Variants in RAB11FIP3 observed in about 807,000 individuals in gnomAD.
RAB11FIP3 encodes the protein RAB11 family interacting protein 3, also known as rab11 family-interacting protein 3.
RAB11FIP3 carries 17 observed loss-of-function variants against 77.8 expected under a neutral mutation model. The observed-to-expected ratio is 0.22, with a 90% CI of 0.15 to 0.33. RAB11FIP3 has a LOEUF of 0.33. Ranked by LOEUF, RAB11FIP3 falls within the 10% of genes least tolerant of loss-of-function variation. The pLI, the probability that RAB11FIP3 is intolerant of heterozygous loss-of-function variation, is 1.00. For synonymous variants in RAB11FIP3, 437 were observed against 448.2 expected (o/e 0.98, Z 0.31); for missense variants, 1,005 against 1,011.2 (o/e 0.99, Z 0.08).
intron 1 of RAB11FIP3, among the ~76,000 whole-genome samples, chr16:429,549 G>A (rs949311058): frequency 1.1e-4 from 17 of 151,896 alleles, no homozygotes; most frequent in Admixed American, 4.6e-4. Context: ...GCCCAGGCTG[G>A]AGTGCAATGG....
intron 2 of RAB11FIP3, among the ~76,000 whole-genome samples, chr16:464,705 G>T (rs1382679002): frequency 6.6e-6 from 1 of 152,148 alleles, no homozygotes; most frequent in Non-Finnish European, 1.5e-5. Flanking sequence ...AGACCAGCCT[G>T]GGCAACATAG....
Position 482,683 on chromosome 16 carries a change from C to G in RAB11FIP3, c.1062C>G (p.Cys354Trp), listed in dbSNP as rs1434280915. ...GCGGCTCGGCCGTGCCCTCTGAGTGCCTGGACGCCATGGAGGAGCCCGACC... is the reference window on the plus strand; with the variant it reads ...GCGGCTCGGCCGTGCCCTCTGAGTGGCTGGACGCCATGGAGGAGCCCGACC... ...SAGGSAVPSE[C>W]LDAMEEPDHG... The change falls in exon 4 of 14, where the codon TGC (cysteine) becomes TGG (tryptophan). Residue 354 changes from cysteine to tryptophan, a missense_variant. Transcript: ENST00000262305. The G allele has an allele frequency of 3.1e-6, 5 of 1,612,358 alleles. No individual in the cohort carries two copies. The highest frequency in any genetic ancestry group is 4.2e-6 in the Non-Finnish European group (5 of 1,179,854).
chr16:433,124 C>A (rs1244144683), intron 1 of RAB11FIP3, among the ~76,000 whole-genome samples: 5 of 75,394 alleles, frequency 6.6e-5, no homozygotes. Context: ...AGCTCTGCCT[C>A]CCGGGTTGAT....
rs752921013 is a variant in RAB11FIP3 at position 461,189 on chromosome 16, G to A, written c.715-215G>A. Among the ~76,000 whole-genome samples the A allele has an allele frequency of 1.4e-4, 22 of 152,140 alleles. No individual in the cohort carries two copies. The highest frequency in any genetic ancestry group is 1.9e-4 in the Non-Finnish European group (13 of 68,024). ...CGCGCAACCTGGACCCCTCGCATGC[G>A]GAGCACACAGTAGGCTTTGCGCTCC... On this transcript the variant is annotated intron_variant, in intron 1 of 13. Transcript: ENST00000262305. The surrounding 1 kb of genome is among the most constrained non-coding windows in gnomAD (Gnocchi z 4.5).
intron 1 of RAB11FIP3, among the ~76,000 whole-genome samples, chr16:431,917 C>T (rs556811988): frequency 4.6e-5 from 7 of 152,080 alleles, no homozygotes; most frequent in South Asian, 2.1e-4. Context: ...CCACCCCTCC[C>T]GGCTAATTTT....
At chr16:515,521 G>A (rs563667706) in intron 9 of RAB11FIP3, among the ~76,000 whole-genome samples, 3 of 150,568 alleles carry the variant, frequency 2.0e-5, no homozygotes, top group Non-Finnish European at 4.4e-5. Flanking sequence ...GCAGCCACAC[G>A]GGCGACACGC....
chr16:518,365 G>A (rs1379534711), intron 9 of RAB11FIP3, among the ~76,000 whole-genome samples: 3 of 152,218 alleles, frequency 2.0e-5, no homozygotes, highest in Non-Finnish European at 4.4e-5. Context: ...ACAGGCGTAA[G>A]CCACTGTACT....
chr16:519,909 C>A lies in RAB11FIP3; in HGVS notation c.1860+18C>A. 6.4e-7 allele frequency: 1 copy of A among 1,566,632 alleles called. No individual in the cohort carries two copies. The highest frequency in any genetic ancestry group is 8.6e-7 in the Non-Finnish European group (1 of 1,156,180). On this transcript the variant is annotated intron_variant, in intron 11 of 13. Transcript: ENST00000262305. ...CCCAGGAGGTGAGCACCCACCCTGC[C>A]CCACGCCCAGTCCTGCGCCCAGCCT...
rs1485551062 is a variant in RAB11FIP3, at chr16:506,081, C to T, written c.1499+454C>T. 2.6e-5 allele frequency among the ~76,000 whole-genome samples: 4 copies of T among 152,204 alleles called. No homozygotes were observed. The highest frequency in any genetic ancestry group is 1.9e-4 in the East Asian group (1 of 5,200). The stretch of plus-strand genomic sequence containing the variant: ...CGAAATGAGCAGTGACTGCTGAGTA[C>T]GCGACAGGACGCGCAGTCTCATCGC... On this transcript the variant is annotated intron_variant, in intron 8 of 13. Coordinates refer to ENST00000262305, the MANE Select transcript of RAB11FIP3 (RefSeq NM_014700.4). The surrounding 1 kb of genome is among the most constrained non-coding windows in gnomAD (Gnocchi z 4.5).
At chr16:478,566 A>G (rs1187860441) in intron 3 of RAB11FIP3, among the ~76,000 whole-genome samples, 6 of 152,254 alleles carry the variant, frequency 3.9e-5, no homozygotes, top group African/African-American at 1.4e-4. Flanking sequence ...AGCTTTTCTG[A>G]GATCTTGTTT....
intron 7 of RAB11FIP3, among the ~76,000 whole-genome samples, chr16:503,736 C>T (rs1255160875): frequency 1.3e-5 from 2 of 152,006 alleles, no homozygotes; most frequent in Admixed American, 6.5e-5. Context: ...AAAAGTTAGC[C>T]ACGCATGGTG....
intron 4 of RAB11FIP3, among the ~76,000 whole-genome samples, chr16:486,509 G>T (rs2056156683): frequency 6.6e-6 from 1 of 152,152 alleles, no homozygotes; most frequent in African/African-American, 2.4e-5. Flanking sequence ...GAAAACAAAA[G>T]TATAACTCTT....
chr16:492,248 G>C (rs931495934), intron 5 of RAB11FIP3, among the ~76,000 whole-genome samples: 1 of 152,166 alleles, frequency 6.6e-6, no homozygotes, highest in African/African-American at 2.4e-5. Flanking sequence ...CCCCCAGCCA[G>C]TGCCCATTCA....
chr16:482,811 T>G (rs2056073542), intron 4 of RAB11FIP3, 75 bp downstream of exon 4: 1 of 1,457,666 alleles, frequency 6.9e-7, no homozygotes, highest in South Asian at 1.2e-5. Context: ...ATGGGCAGAC[T>G]GGGGTCTTGG....
intron 9 of RAB11FIP3, among the ~76,000 whole-genome samples, chr16:517,291 G>A (rs944960746): frequency 6.6e-6 from 1 of 152,074 alleles, no homozygotes; most frequent in Non-Finnish European, 1.5e-5. Flanking sequence ...AGTGTGGGCT[G>A]GGCACGGTGG....
intron 7 of RAB11FIP3, among the ~76,000 whole-genome samples, chr16:504,984 A>G (rs1476148911): frequency 7.1e-5 from 9 of 126,038 alleles, no homozygotes; most frequent in Non-Finnish European, 1.5e-4. Flanking sequence ...CTCCTCTTGC[A>G]TCCCCACCAC....
At chr16:491,133 G>C in intron 5 of RAB11FIP3, 1 of 1,301,886 alleles carries the variant, frequency 7.7e-7, no homozygotes, top group Non-Finnish European at 1.0e-6. Flanking sequence ...TGTCTCTCTA[G>C]CACTGACCCT....
chr16:495,952 G>A (rs551437265), intron 5 of RAB11FIP3, among the ~76,000 whole-genome samples: 24 of 152,146 alleles, frequency 1.6e-4, no homozygotes, highest in Admixed American at 1.2e-3. Context: ...GTTTCTCCAC[G>A]TTGGCCAGGC....
chr16:426,142 G>T lies in RAB11FIP3; in HGVS notation c.136G>T (p.Gly46Cys). Reference protein sequence around the residue: ...PAELRLGAPVGGPDPQSPGLD... With the variant: ...PAELRLGAPVCGPDPQSPGLD... Reference sequence around the variant, plus strand: ...GGAGCTACGCCTCGGAGCGCCCGTCGGCGGCCCCGACCCGCAGTCCCCGGG... The same window carrying T: ...GGAGCTACGCCTCGGAGCGCCCGTCTGCGGCCCCGACCCGCAGTCCCCGGG... Residue 46 changes from glycine (G) to cysteine (C), a missense_variant, in exon 1 of 14, where the codon GGC becomes TGC. This residue lies in a region of RAB11FIP3 where 466 missense variants were observed against 408.3 expected (regional missense o/e 1.14). Coordinates refer to ENST00000262305, the MANE Select transcript of RAB11FIP3 (RefSeq NM_014700.4). The surrounding 1 kb of genome is among the most constrained non-coding windows in gnomAD (Gnocchi z 5.0). 9.9e-7 allele frequency: 1 copy of T among 1,012,590 alleles called. No individual in the cohort carries two copies. Among genetic ancestry groups the T allele is most frequent in the South Asian group, 4.5e-5 (1 of 22,382 alleles). 62.7% of individuals were successfully genotyped at this position (1,012,590 alleles called of 1,614,324 possible). A position where few individuals can be genotyped will look rare whatever the true frequency, so the allele number is the denominator to read the frequency against.
Sources: allele counts gnomAD v4.1 joint callset (sites outside exome capture counted in the v4.1 genomes callset), GRCh38; gene constraint gnomAD v4.1.1; regional missense constraint gnomAD v4.1.1; non-coding constraint Gnocchi (gnomAD v3.1); transcripts MANE v1.5; gene names NCBI Gene and HGNC (gene_info 2026-07-23, HGNC 2026-07-21).